The following AGMO variants were observed in gnomAD, a reference collection of about 807,000 sequenced individuals.
The protein encoded by AGMO is glyceryl-ether monooxygenase.
In AGMO, 75 loss-of-function variants were observed where a neutral mutation model predicts 60.2. That is an observed-to-expected ratio of 1.25 (90% CI 1.03 to 1.51). AGMO has a LOEUF of 1.51. Ranked by LOEUF, AGMO falls within the 40% of genes most tolerant of loss-of-function variation. AGMO has a pLI of 0.00. For missense variants in AGMO, 763 were observed against 525.5 expected, an observed-to-expected ratio of 1.45 and a Z score of -4.42; for synonymous variants, 261 against 177.1, an observed-to-expected ratio of 1.47 and a Z score of -3.76.
chr7:15,447,947 G>C (rs553940450), intron 3 of AGMO, among the ~76,000 whole-genome samples: 1 of 152,056 alleles, frequency 6.6e-6, no homozygotes, highest in African/African-American at 2.4e-5. Flanking sequence ...CAGAATGGGG[G>C]GTTTTGTTTC....
intron 8 of AGMO, 36 bp downstream of exon 8, chr7:15,390,633 GAT>G (rs1562480928): frequency 7.1e-7 from 1 of 1,402,872 alleles, no homozygotes; most frequent in Admixed American, 1.9e-5. Context: ...TTTATGAAAT[GAT>G]ATAAATGAAG....
rs1439159617 is a variant in AGMO, at chr7:15,549,576, T to C, written c.258-4653A>G. 2.6e-3 allele frequency among the ~76,000 whole-genome samples: 385 copies of C among 150,618 alleles called. 8 individuals carry two copies. The East Asian group carries it at 0.042, about 16-fold the overall frequency. ...AGATCAAAAGAGACAAAGAAGGCCA[T>C]TACATAATGGTAAAGGGATCAATTC... On this transcript the variant is annotated intron_variant, in intron 2 of 12. Transcript: ENST00000342526.
chr7:15,293,937 T>C (rs567725310), intron 12 of AGMO, among the ~76,000 whole-genome samples: 35 of 151,494 alleles, frequency 2.3e-4, no homozygotes, highest in Non-Finnish European at 5.9e-5. Flanking sequence ...TGTTATTAGG[T>C]AAAGTTGAAT....
At chr7:15,154,786 A>C in the AGMO span, among the ~76,000 whole-genome samples, 1 of 152,200 alleles carries the variant, frequency 6.6e-6, no homozygotes, top group Non-Finnish European at 1.5e-5. Context: ...CTTGTAAGGC[A>C]GGTCTGGTGG....
intron 3 of AGMO, among the ~76,000 whole-genome samples, chr7:15,443,679 A>G (rs939805156): frequency 3.9e-5 from 6 of 152,208 alleles, no homozygotes; most frequent in African/African-American, 1.4e-4. Context: ...AACTGTCACC[A>G]TAAAACAAAC....
chr7:15,282,944 T>G (rs1784009298), intron 12 of AGMO, among the ~76,000 whole-genome samples: 1 of 152,158 alleles, frequency 6.6e-6, no homozygotes, highest in African/African-American at 2.4e-5. Flanking sequence ...TTTAGCTTCC[T>G]TAAATAGAAT....
chr7:15,242,854 TG>T (rs1782632210), intron 12 of AGMO, among the ~76,000 whole-genome samples: 1 of 152,144 alleles, frequency 6.6e-6, no homozygotes, highest in Non-Finnish European at 1.5e-5. Flanking sequence ...TTTAATCTAT[TG>T]AAATATAGAA....
intron 12 of AGMO, among the ~76,000 whole-genome samples, chr7:15,258,292 G>T (rs931234109): frequency 6.6e-6 from 1 of 151,844 alleles, no homozygotes; most frequent in Non-Finnish European, 1.5e-5. Flanking sequence ...TTATAGGCTT[G>T]GTATACTTTT....
At chr7:15,478,761 G>T (rs916987546) in intron 3 of AGMO, among the ~76,000 whole-genome samples, 4 of 152,054 alleles carry the variant, frequency 2.6e-5, no homozygotes, top group Non-Finnish European at 5.9e-5. Flanking sequence ...AGCCTGTTCA[G>T]GTCAGATAAG....
At position 15,344,764 on chromosome 7, in the gene AGMO, C is replaced by T. The variant is rs191333946; in HGVS notation, c.1263+20750G>A. Among the ~76,000 whole-genome samples, 18 of 152,240 alleles carry T rather than the reference C, an allele frequency of 1.2e-4. No individual in the cohort carries two copies. The East Asian group carries it at 2.9e-3, about 25-fold the overall frequency. On this transcript the variant is annotated intron_variant, in intron 12 of 12. Transcript: ENST00000342526. ...CTTTGCTCTCAAGAGAAGACTTTTCCATTAGAAATATGGTAGATGCACTTG... is the reference window on the plus strand; with the variant it reads ...CTTTGCTCTCAAGAGAAGACTTTTCTATTAGAAATATGGTAGATGCACTTG...
intron 12 of AGMO, among the ~76,000 whole-genome samples, chr7:15,335,814 G>C (rs904961740): frequency 2.6e-5 from 4 of 152,174 alleles, no homozygotes; most frequent in Admixed American, 1.3e-4. Flanking sequence ...TGTGGTTTCA[G>C]TAGCCATTCA....
intron 12 of AGMO, among the ~76,000 whole-genome samples, chr7:15,208,846 T>A (rs535527517): frequency 4.6e-5 from 7 of 152,348 alleles, no homozygotes; most frequent in African/African-American, 1.7e-4. Flanking sequence ...AAACAGAAGA[T>A]TTTTGAATAA....
At chr7:15,172,722 T>C in the AGMO span, among the ~76,000 whole-genome samples, 2 of 152,134 alleles carry the variant, frequency 1.3e-5, no homozygotes, top group African/African-American at 4.8e-5. Flanking sequence ...GGAAGAATTA[T>C]GCTTATGCTT....
At chr7:15,350,776 T>G (rs534957688) in intron 12 of AGMO, among the ~76,000 whole-genome samples, 55 of 152,284 alleles carry the variant, frequency 3.6e-4, no homozygotes, top group African/African-American at 1.1e-3. Context: ...TCCAGAATAT[T>G]GTTAAAGGCT....
At chr7:15,206,016 C>T (rs1359700945) in intron 12 of AGMO, among the ~76,000 whole-genome samples, 1 of 151,906 alleles carries the variant, frequency 6.6e-6, no homozygotes, top group Non-Finnish European at 1.5e-5. Flanking sequence ...TAAAGGTAAT[C>T]CTTTGTTAAA....
intron 12 of AGMO, among the ~76,000 whole-genome samples, chr7:15,314,014 G>C (rs1017779470): frequency 6.6e-6 from 1 of 151,920 alleles, no homozygotes; most frequent in Non-Finnish European, 1.5e-5. Flanking sequence ...TTGAACTTCT[G>C]AAGATTTGTC....
At chr7:15,352,534 G>A (rs1782284589) in intron 12 of AGMO, among the ~76,000 whole-genome samples, 1 of 151,892 alleles carries the variant, frequency 6.6e-6, no homozygotes, top group Non-Finnish European at 1.5e-5. Context: ...GGTGTTCAGG[G>A]GAGGGGGTGG....
intron 12 of AGMO, among the ~76,000 whole-genome samples, chr7:15,353,579 C>A (rs1434388766): frequency 6.6e-6 from 1 of 152,092 alleles, no homozygotes; most frequent in Non-Finnish European, 1.5e-5. Context: ...ATTTAAAATA[C>A]TTTTTTAAAA....
At chr7:15,212,273 C>CAA (rs1329385415) in intron 12 of AGMO, among the ~76,000 whole-genome samples, 2 of 141,170 alleles carry the variant, frequency 1.4e-5, no homozygotes, top group Admixed American at 7.4e-5. Context: ...CACACACACA[C>CAA]ACACACACAC....
Sources: allele counts gnomAD v4.1 joint callset (sites outside exome capture counted in the v4.1 genomes callset), GRCh38; gene constraint gnomAD v4.1.1; transcripts MANE v1.5; gene names NCBI Gene and HGNC (gene_info 2026-07-23, HGNC 2026-07-21).